ZNF91: variants seen among roughly 807,000 people sequenced by gnomAD.
ZNF91 encodes the protein zinc finger protein 91 (HPF7, HTF10).
Under a neutral mutation model 12.6 loss-of-function variants are expected in ZNF91, and 7 were observed. The ratio of observed to expected loss-of-function variants is 0.55; its 90% CI spans 0.31 to 1.04. ZNF91 has a LOEUF of 1.04. Ranked by LOEUF, ZNF91 falls within the 50% of genes least tolerant of loss-of-function variation. The pLI is 0.05. For synonymous variants in ZNF91, 453 were observed against 462.6 expected (o/e 0.98, Z 0.27); for missense variants, 1,217 against 1,385.4 (o/e 0.88, Z 1.93).
chr19:23,316,093 C>T (rs572688102), intron 1 of ZNF91, among the ~76,000 whole-genome samples: 1 of 151,954 alleles, frequency 6.6e-6, no homozygotes, highest in Admixed American at 6.6e-5. Context: ...AGATGTGACA[C>T]ATTTTTGTTG....
intron 3 of ZNF91, among the ~76,000 whole-genome samples, chr19:23,340,982 T>A (rs1416450791): frequency 6.6e-6 from 1 of 151,786 alleles, no homozygotes; most frequent in Admixed American, 6.6e-5. Flanking sequence ...CTAATCATTT[T>A]TCAATAAAGA....
At chr19:23,373,346 T>TA (rs1491403502) in intron 3 of ZNF91, among the ~76,000 whole-genome samples, 11 of 85,804 alleles carry the variant, frequency 1.3e-4, no homozygotes, top group South Asian at 7.2e-4. Flanking sequence ...TCATGTAATC[T>TA]TATATATATA....
Position 23,321,877 on chromosome 19 carries a change from C to T in ZNF91, n.117-12780G>A, listed in dbSNP as rs570627155. 1.8e-4 allele frequency among the ~76,000 whole-genome samples: 27 copies of T among 152,330 alleles called. No individual in the cohort carries two copies. In the South Asian group the frequency reaches 5.6e-3, roughly 32 times the overall value. Reference sequence around the variant, plus strand: ...GATGAAATAGTGGCTTATCCCTGGGCCCAGAACACAGGCAATCTGATTTAT... The same window carrying T: ...GATGAAATAGTGGCTTATCCCTGGGTCCAGAACACAGGCAATCTGATTTAT... On this transcript the variant is annotated intron_variant and non_coding_transcript_variant, in intron 1 of 1. Transcript: ENST00000596528.
At chr19:23,352,925 A>G (rs1968402557), downstream of ZNF91, among the ~76,000 whole-genome samples, 1 of 152,198 alleles carries the variant, frequency 6.6e-6, no homozygotes, top group African/African-American at 2.4e-5. Flanking sequence ...CTAAACATAT[A>G]TGCACCTAAC....
At chr19:23,320,190 G>A (rs1268814475) in intron 1 of ZNF91, among the ~76,000 whole-genome samples, 3 of 152,192 alleles carry the variant, frequency 2.0e-5, no homozygotes, top group Non-Finnish European at 4.4e-5. Flanking sequence ...TTATGGGATA[G>A]TGACCCATTT....
At chr19:23,370,356 A>G (rs1337106869) in intron 3 of ZNF91, among the ~76,000 whole-genome samples, 2 of 152,204 alleles carry the variant, frequency 1.3e-5, no homozygotes, top group African/African-American at 4.8e-5. Context: ...ATAAAAACAG[A>G]AAGTGGAAGG....
At chr19:23,394,997 C>G (rs986842516) in intron 1 of ZNF91, among the ~76,000 whole-genome samples, 6 of 152,166 alleles carry the variant, frequency 3.9e-5, no homozygotes, top group Non-Finnish European at 7.4e-5. Context: ...GAGCCAGCAC[C>G]TCCAGTCAGG....
intron 3 of ZNF91, among the ~76,000 whole-genome samples, chr19:23,368,721 T>C (rs1013877231): frequency 6.6e-6 from 1 of 151,852 alleles, no homozygotes; most frequent in African/African-American, 2.4e-5. Flanking sequence ...AAATAATGCC[T>C]CCTATAAAAT....
Position 23,362,737 on chromosome 19 carries a change from A to C in ZNF91, c.254-12T>G. 1.4e-6 allele frequency: 2 copies of C among 1,432,944 alleles called. No individual in the cohort carries two copies. The highest frequency in any genetic ancestry group is 1.8e-6 in the Non-Finnish European group (2 of 1,092,642). 88.8% of individuals were successfully genotyped at this position (1,432,944 alleles called of 1,614,324 possible). On this transcript the variant is annotated splice_polypyrimidine_tract_variant and intron_variant, in intron 3 of 3. Transcript: ENST00000300619. ...ATGAGGACATATACCTGAAAAAAAA[A>C]AACTAAAAATAATAAATTACTCCAC...
At position 23,388,644 on chromosome 19, in the gene ZNF91, G is replaced by A. The variant is rs147475748; in HGVS notation, c.30+6681C>T. Reference sequence around the variant, plus strand: ...CCCAGCACTTTGGGAGGCCAAGGCAGGCAAATCACCTGAGGTCAGGAGTTG... The same window carrying A: ...CCCAGCACTTTGGGAGGCCAAGGCAAGCAAATCACCTGAGGTCAGGAGTTG... On this transcript the variant is annotated intron_variant, in intron 1 of 3. Transcript: ENST00000300619. Among the ~76,000 whole-genome samples, 772 of 152,280 alleles carry A rather than the reference G, an allele frequency of 5.1e-3. 3 individuals carry two copies. Among genetic ancestry groups the A allele is most frequent in the African/African-American group, 0.018 (746 of 41,550 alleles).
At chr19:23,379,425 A>G (rs1599749007) in intron 1 of ZNF91, among the ~76,000 whole-genome samples, 2 of 152,214 alleles carry the variant, frequency 1.3e-5, no homozygotes, top group African/African-American at 4.8e-5. Flanking sequence ...ACAGTAATAG[A>G]ACAGAAAGAA....
intron 3 of ZNF91, among the ~76,000 whole-genome samples, chr19:23,346,549 A>G (rs1291079852): frequency 6.6e-6 from 1 of 152,210 alleles, no homozygotes; most frequent in African/African-American, 2.4e-5. Context: ...AACTGACGCC[A>G]TGAGAAAGTA....
intron 1 of ZNF91, among the ~76,000 whole-genome samples, chr19:23,389,301 A>G (rs1478734304): frequency 6.6e-6 from 1 of 152,182 alleles, no homozygotes; most frequent in Non-Finnish European, 1.5e-5. Context: ...CAGGTGGTCC[A>G]GAACCCCAGG....
intron 3 of ZNF91, among the ~76,000 whole-genome samples, chr19:23,369,012 A>C (rs1052451877): frequency 2.6e-5 from 4 of 152,134 alleles, no homozygotes; most frequent in Non-Finnish European, 4.4e-5. Context: ...TTGATAATGC[A>C]ATCAAAATGA....
chr19:23,388,107 G>A (rs935749975), intron 1 of ZNF91, among the ~76,000 whole-genome samples: 5 of 151,844 alleles, frequency 3.3e-5, no homozygotes, highest in Admixed American at 2.6e-4. Context: ...TTAGCAGGGC[G>A]TGGTGGCGCA....
At position 23,359,998 on chromosome 19, in the gene ZNF91, T is replaced by C. The variant is rs2145050699; in HGVS notation, c.2981A>G (p.Tyr994Cys). 1 of 1,613,688 alleles carries C rather than the reference T, an allele frequency of 6.2e-7. No homozygotes were observed. Among genetic ancestry groups the C allele is most frequent in the Non-Finnish European group, 8.5e-7 (1 of 1,179,974 alleles). ...TGCTTTGCCACATTCTTCACATTTG[T>C]AGGGTTTCTCTCCAGTATGAATTAT... ...HKIIHTGEKPYKCEECGKAFS... is the reference protein window; with the variant it reads ...HKIIHTGEKPCKCEECGKAFS... The change falls in exon 4 of 4, where the codon TAC becomes TGC. Residue 994 changes from tyrosine to cysteine, a missense_variant. By Grantham distance (194) the Tyr-to-Cys change is radical. Transcript: ENST00000300619.
chr19:23,349,171 T>C (rs1041451135), intron 3 of ZNF91, among the ~76,000 whole-genome samples: 2 of 152,184 alleles, frequency 1.3e-5, no homozygotes, highest in African/African-American at 4.8e-5. Context: ...CCTTTTGCCT[T>C]GTGATCTTTT....
At chr19:23,309,905 C>T (rs1185077208) in intron 1 of ZNF91, among the ~76,000 whole-genome samples, 1 of 152,104 alleles carries the variant, frequency 6.6e-6, no homozygotes, top group Non-Finnish European at 1.5e-5. Flanking sequence ...GATTGTCACC[C>T]TCACACATGG....
At chr19:23,379,890 C>T (rs1400118913) in intron 1 of ZNF91, among the ~76,000 whole-genome samples, 1 of 152,282 alleles carries the variant, frequency 6.6e-6, no homozygotes, top group African/African-American at 2.4e-5. Flanking sequence ...GCCCACAGCA[C>T]ACGGCTCACA....
Sources: gnomAD v4.1 joint callset for allele counts (sites outside exome capture counted in the v4.1 genomes callset) on GRCh38, gnomAD v4.1.1 for gene constraint, MANE v1.5 for transcripts, NCBI Gene and HGNC (gene_info 2026-07-23, HGNC 2026-07-21) for gene names.